Variants in DPYSL2 observed in about 807,000 individuals in gnomAD.
DPYSL2 encodes the protein dihydropyrimidinase-related protein 2.
DPYSL2 carries 13 observed loss-of-function variants against 69.9 expected under a neutral mutation model. The observed-to-expected ratio is 0.19, with a 90% CI of 0.12 to 0.30. The LOEUF (loss-of-function observed/expected upper bound fraction) is 0.30. Ranked by LOEUF, DPYSL2 falls within the 10% of genes least tolerant of loss-of-function variation. The pLI is 1.00. For missense variants in DPYSL2, 587 were observed against 918.9 expected, an observed-to-expected ratio of 0.64 and a Z score of 4.67; for synonymous variants, 326 against 359.1, an observed-to-expected ratio of 0.91 and a Z score of 1.04.
rs987444135 is a variant in DPYSL2 at position 26,514,562 on chromosome 8, G to A, written c.237G>A (p.Gln79=). ...RDVAHLGPDP[Q]PPYSRQGRRA... ...TCGCCCACTTGGGCCCGGACCCGCA[G>A]CCGCCGTACTCGCGGCAGGGCCGGC... Residue 79 remains glutamine (Q), a synonymous_variant, in exon 1 of 14, where the codon CAG becomes CAA. Transcript: ENST00000521913. The surrounding 1 kb of genome is among the most constrained non-coding windows in gnomAD (Gnocchi z 8.4). 1 of 1,526,934 alleles carries A rather than the reference G, an allele frequency of 6.5e-7. No individual in the cohort carries two copies. The highest frequency in any genetic ancestry group is 1.7e-4 in the Middle Eastern group (1 of 5,932). 94.6% of individuals were successfully genotyped at this position (1,526,934 alleles called of 1,614,324 possible).
At chr8:26,519,089 G>A (rs1303338258) in intron 1 of DPYSL2, among the ~76,000 whole-genome samples, 1 of 152,182 alleles carries the variant, frequency 6.6e-6, no homozygotes, top group East Asian at 1.9e-4. Context: ...TATTGCATAT[G>A]CAATGTTATG....
chr8:26,615,999 G>A lies in DPYSL2; in HGVS notation c.629-8144G>A, dbSNP rs191931205. Among the ~76,000 whole-genome samples, 674 of 152,290 alleles carry A rather than the reference G, an allele frequency of 4.4e-3. 3 individuals are homozygous for A. Among genetic ancestry groups the A allele is most frequent in the South Asian group, 0.015 (72 of 4,826 alleles). ...GGGGTGTTTATCAAACCACATCTATGTAGCAGATGCTCTTCAAGCATTTCC... is the reference window on the plus strand; with the variant it reads ...GGGGTGTTTATCAAACCACATCTATATAGCAGATGCTCTTCAAGCATTTCC... On this transcript the variant is annotated intron_variant, in intron 3 of 13. Transcript: ENST00000521913.
In DPYSL2 at chr8:26,652,190, G is replaced by T; in HGVS notation, c.1597-67G>T. 1 of 1,475,588 alleles carries T rather than the reference G, an allele frequency of 6.8e-7. No individual in the cohort carries two copies. Among genetic ancestry groups the T allele is most frequent in the Non-Finnish European group, 9.1e-7 (1 of 1,096,298 alleles). 91.4% of individuals were successfully genotyped at this position (1,475,588 alleles called of 1,614,324 possible). A position where few individuals can be genotyped will look rare whatever the true frequency, so the allele number is the denominator to read the frequency against. On this transcript the variant is annotated intron_variant, in intron 11 of 13. Coordinates refer to ENST00000521913, the MANE Select transcript of DPYSL2 (RefSeq NM_001197293.3). The surrounding 1 kb of genome is among the most constrained non-coding windows in gnomAD (Gnocchi z 6.3). ...TGTCTCTGTGGGGTTGGGGCAGTGG[G>T]TGCTGCCGGGTGGATTGAGTCCAGC...
intron 1 of DPYSL2, among the ~76,000 whole-genome samples, chr8:26,572,166 T>C (rs1057434469): frequency 1.3e-5 from 2 of 152,224 alleles, no homozygotes; most frequent in African/African-American, 4.8e-5. Flanking sequence ...TGTGAAATTC[T>C]GAACATTGCA....
rs532260566 is a variant in DPYSL2 at position 26,580,276 on chromosome 8, C to T, written c.355-1693C>T. ...AGTGGAGGTCATTGTAGACAGAGGA[C>T]AAGTGCACTGATTTGAGTGACCTGG... On this transcript the variant is annotated intron_variant, in intron 1 of 13. Transcript: ENST00000521913. This position sits in a 1 kb window ranked among gnomAD's most constrained non-coding sequence, Gnocchi z 4.1. 6.6e-6 allele frequency among the ~76,000 whole-genome samples: 1 copy of T among 152,240 alleles called. No individual in the cohort carries two copies. Among genetic ancestry groups the T allele is most frequent in the African/African-American group, 2.4e-5 (1 of 41,528 alleles).
intron 1 of DPYSL2, among the ~76,000 whole-genome samples, chr8:26,559,688 T>C (rs554838904): frequency 6.6e-6 from 1 of 152,342 alleles, no homozygotes; most frequent in East Asian, 1.9e-4. Flanking sequence ...CTCGTAGGTT[T>C]CAAATATTTG....
Position 26,578,520 on chromosome 8 carries a change from G to A in DPYSL2, c.355-3449G>A, listed in dbSNP as rs1334231719. On this transcript the variant is annotated intron_variant, in intron 1 of 13. Coordinates refer to ENST00000521913, the MANE Select transcript of DPYSL2 (RefSeq NM_001197293.3). ...GCATTAAACAGGAGCGCGAGTGCAC[G>A]AAGGTAGCCTTAGGTAACGCGCCAG... 1.7e-5 allele frequency: 24 copies of A among 1,420,606 alleles called. No individual in the cohort carries two copies. In the South Asian group the frequency reaches 3.6e-4, roughly 21 times the overall value. The allele number at this position is 1,420,606 out of a possible 1,614,324, so 88.0% of individuals were successfully genotyped here.
At chr8:26,536,542 A>G (rs1563378222) in intron 1 of DPYSL2, among the ~76,000 whole-genome samples, 1 of 152,040 alleles carries the variant, frequency 6.6e-6, no homozygotes, top group African/African-American at 2.4e-5. Context: ...GTAGTGGCAC[A>G]CACCTGTAAT....
chr8:26,639,942 C>T (rs372063208), intron 8 of DPYSL2, among the ~76,000 whole-genome samples: 7 of 152,302 alleles, frequency 4.6e-5, no homozygotes, highest in East Asian at 3.9e-4. Flanking sequence ...ACTCTTGCTA[C>T]GAAAACCTGA....
intron 7 of DPYSL2, among the ~76,000 whole-genome samples, chr8:26,628,479 C>T (rs1052386759): frequency 2.4e-4 from 36 of 152,240 alleles, no homozygotes; most frequent in Middle Eastern, 3.4e-3. Flanking sequence ...GGAGACTCAC[C>T]GTCTTGGTGA....
chr8:26,522,666 C>A (rs1162591770), intron 1 of DPYSL2, among the ~76,000 whole-genome samples: 1 of 152,070 alleles, frequency 6.6e-6, no homozygotes, highest in South Asian at 2.1e-4. Flanking sequence ...AATGTCTGTT[C>A]AAAACTTTGT....
rs770602159 is a variant in DPYSL2 at position 26,626,673 on chromosome 8, T to G, written c.850T>G (p.Cys284Gly). 6.2e-7 allele frequency: 1 copy of G among 1,614,090 alleles called. No homozygotes were observed. ...CAAAGATCGCTTCCAGCTAACGGAT[T>G]GCCAGGTAAGAAAGTCGGCTTTTCG... ...AFKDRFQLTD[C>G]QIYEVLSVIR... Residue 284 changes from cysteine (C) to glycine (G), a missense_variant, in exon 5 of 14, where the codon TGC (cysteine) becomes GGC (glycine). Transcript: ENST00000521913. This position sits in a 1 kb window ranked among gnomAD's most constrained non-coding sequence, Gnocchi z 4.3.
At chr8:26,613,470 C>T (rs1325127521) in intron 3 of DPYSL2, among the ~76,000 whole-genome samples, 2 of 152,238 alleles carry the variant, frequency 1.3e-5, no homozygotes, top group Non-Finnish European at 2.9e-5. Flanking sequence ...GGCTCCCTTC[C>T]TGCAGTGGGT....
In DPYSL2 at chr8:26,546,763, C is replaced by CA. The variant is rs1157091689; in HGVS notation, c.354+32092dup. ...TGAAACCTCGTCTCTACTAAAAATTCAAAAAAAATTAGCCGGGCGTGGTGG... is the reference window on the plus strand; with the variant it reads ...TGAAACCTCGTCTCTACTAAAAATTCAAAAAAAAATTAGCCGGGCGTGGTGG... On this transcript the variant is annotated intron_variant, in intron 1 of 13. Transcript: ENST00000521913. Among the ~76,000 whole-genome samples, 748 of 149,304 alleles carry CA rather than the reference C, an allele frequency of 5.0e-3. 7 individuals carry two copies. Among genetic ancestry groups the CA allele is most frequent in the African/African-American group, 0.017 (700 of 40,720 alleles).
intron 1 of DPYSL2, among the ~76,000 whole-genome samples, chr8:26,542,083 C>T (rs1327963486): frequency 6.6e-6 from 1 of 152,064 alleles, no homozygotes; most frequent in Non-Finnish European, 1.5e-5. Context: ...CCAGTCTGGG[C>T]TCAAACTATG....
At position 26,653,429 on chromosome 8, in the gene DPYSL2, T is replaced by G; in HGVS notation, c.1942+32T>G. 1 of 1,588,562 alleles carries G rather than the reference T, an allele frequency of 6.3e-7. No homozygotes were observed. On this transcript the variant is annotated intron_variant, in intron 13 of 13. Transcript: ENST00000521913. The surrounding 1 kb of genome is among the most constrained non-coding windows in gnomAD (Gnocchi z 5.7). ...TTGGGGCTTGGGGAGGGCACAGTTC[T>G]GCAGGGCCAGCTCGCTGGTGCTGGC...
At chr8:26,623,901 A>G (rs1308363356) in intron 3 of DPYSL2, 1 of 436,828 alleles carries the variant, frequency 2.3e-6, no homozygotes, top group African/African-American at 2.0e-5. Context: ...TTGGGAAATC[A>G]GATCTGGGCA....
intron 1 of DPYSL2, among the ~76,000 whole-genome samples, chr8:26,576,032 C>T (rs1801321921): frequency 6.6e-6 from 1 of 152,210 alleles, no homozygotes; most frequent in Non-Finnish European, 1.5e-5. Flanking sequence ...GACATCATCT[C>T]ACCTTGCTTG....
At chr8:26,583,010 C>G (rs192379809) in intron 2 of DPYSL2, among the ~76,000 whole-genome samples, 76 of 152,308 alleles carry the variant, frequency 5.0e-4, no homozygotes, top group African/African-American at 1.7e-3. Context: ...GTTCCATTTT[C>G]CCCCAATTAT....
Sources: allele counts gnomAD v4.1 joint callset (sites outside exome capture counted in the v4.1 genomes callset), GRCh38; gene constraint gnomAD v4.1.1; non-coding constraint Gnocchi (gnomAD v3.1); transcripts MANE v1.5; gene names NCBI Gene and HGNC (gene_info 2026-07-23, HGNC 2026-07-21).